The following CASP10 variants were observed in gnomAD, a reference collection of about 807,000 sequenced individuals.
CASP10 encodes caspase-10.
Under a neutral mutation model 48.5 loss-of-function variants are expected in CASP10, and 41 were observed. The observed-to-expected ratio is 0.85, with a 90% CI of 0.66 to 1.10. The LOEUF is 1.10. Among genes scored for constraint, CASP10 ranks in the 50% least tolerant of loss-of-function variants. CASP10 has a pLI of 0.00. For missense variants in CASP10, 614 were observed against 614.5 expected (o/e 1.00, Z 0.01); for synonymous variants, 232 against 238.4 (o/e 0.97, Z 0.25).
intron 4 of CASP10, 57 bp from the exon 5 acceptor site, chr2:201,195,785 C>T: frequency 2.2e-6 from 3 of 1,377,340 alleles, no homozygotes; most frequent in Non-Finnish European, 3.1e-6. Flanking sequence ...TCAAGCAATT[C>T]TCCTGCTGCT....
Position 201,220,077 on chromosome 2 carries a change from G to C in CASP10, c.*2336G>C, listed in dbSNP as rs942625140. ...TTCATGTACAGTAAATTTGTTATAA[G>C]AATATTCACAAGAACACTGTTCTGA... On this transcript the variant is annotated 3_prime_UTR_variant, in exon 10 of 10. Transcript: ENST00000286186. 6.5e-5 allele frequency: 64 copies of C among 985,234 alleles called. No individual in the cohort carries two copies. In the African/African-American group the frequency reaches 1.0e-3, roughly 16 times the overall value. 61.0% of individuals were successfully genotyped at this position (985,234 alleles called of 1,614,324 possible). A position where few individuals can be genotyped will look rare whatever the true frequency, so the allele number is the denominator to read the frequency against.
chr2:201,216,770 A>G (rs1945582984), intron 9 of CASP10, among the ~76,000 whole-genome samples: 1 of 152,206 alleles, frequency 6.6e-6, no homozygotes, highest in Admixed American at 6.5e-5. Context: ...AGCAGTGAGT[A>G]ACCAGCCTAA....
chr2:201,218,603 G>T lies in CASP10; in HGVS notation c.*862G>T, dbSNP rs1945644608. On this transcript the variant is annotated 3_prime_UTR_variant, in exon 10 of 10. Coordinates refer to ENST00000286186, the MANE Select transcript of CASP10 (RefSeq NM_032977.4). ...AGGCATGAAATACTGTGCCTGGCCT[G>T]GGGACCAGGTGCATTTTAAGGTTCC... 1.0e-6 allele frequency: 1 copy of T among 985,146 alleles called. No homozygotes were observed. The highest frequency in any genetic ancestry group is 1.7e-5 in the African/African-American group (1 of 57,216). The allele number at this position is 985,146 out of a possible 1,614,324, so 61.0% of individuals were successfully genotyped here.
intron 1 of CASP10, among the ~76,000 whole-genome samples, chr2:201,184,688 A>C (rs1944351714): frequency 6.6e-6 from 1 of 152,248 alleles, no homozygotes; most frequent in South Asian, 2.1e-4. Flanking sequence ...TATTGACTAC[A>C]TACCTCAAGT....
At chr2:201,228,448 C>A (rs1254773185) in intron 9 of CASP10, among the ~76,000 whole-genome samples, 1 of 152,234 alleles carries the variant, frequency 6.6e-6, no homozygotes, top group Non-Finnish European at 1.5e-5. Context: ...AAGGCTCAGT[C>A]TGGCCACACT....
chr2:201,221,694 G>A (rs1290966720), downstream of CASP10: 1 of 152,210 alleles, frequency 6.6e-6, no homozygotes, highest in African/African-American at 2.4e-5. Flanking sequence ...TCACAAGGAC[G>A]CGAGTGAAAC....
chr2:201,228,890 A>G, intron 9 of CASP10: 1 of 1,599,116 alleles, frequency 6.3e-7, no homozygotes, highest in Non-Finnish European at 8.6e-7. Context: ...GTGAAAAACC[A>G]CTCAGTCAAA....
intron 1 of CASP10, among the ~76,000 whole-genome samples, chr2:201,185,477 C>T (rs1005929002): frequency 1.3e-5 from 2 of 152,130 alleles, no homozygotes; most frequent in African/African-American, 4.8e-5. Flanking sequence ...CTGTGTCCCT[C>T]CATCTTAACT....
intron 8 of CASP10, 141 bp from the exon 9 acceptor site, chr2:201,208,929 C>T (rs912730170): frequency 1.0e-5 from 9 of 861,306 alleles, no homozygotes; most frequent in Admixed American, 8.1e-5. Context: ...CCGCCTGCTT[C>T]GGCCTTCCAA....
At chr2:201,227,786 C>T (rs13028339) in intron 9 of CASP10, among the ~76,000 whole-genome samples, 62,499 of 151,196 alleles carry the variant, frequency 0.41, 13,467 homozygotes, top group Non-Finnish European at 0.49. Flanking sequence ...GTGTTGATCT[C>T]CTGACCTTGT....
chr2:201,187,772 G>C lies in CASP10; in HGVS notation c.414G>C (p.Leu138=). The C allele has an allele frequency of 6.2e-7, 1 of 1,614,076 alleles. No individual in the cohort carries two copies. Among genetic ancestry groups the C allele is most frequent in the Non-Finnish European group, 8.5e-7 (1 of 1,179,940 alleles). ...SENLKDMIFL[L]KDSLPKTEMT... Reference sequence around the variant, plus strand: ...ACTTAAAGGACATGATCTTCCTTCTGAAAGACTCGCTTCCCAAAACTGAAA... The same window carrying C: ...ACTTAAAGGACATGATCTTCCTTCTCAAAGACTCGCTTCCCAAAACTGAAA... The change falls in exon 3 of 10, where the codon CTG becomes CTC. Residue 138 remains leucine, a synonymous_variant. Coordinates refer to ENST00000286186, the MANE Select transcript of CASP10 (RefSeq NM_032977.4).
downstream of CASP10, among the ~76,000 whole-genome samples, chr2:201,223,459 T>C (rs373407384): frequency 1.3e-5 from 2 of 152,330 alleles, no homozygotes; most frequent in East Asian, 3.9e-4. Flanking sequence ...TCTGGAGGAT[T>C]TGCAATTCTT....
intron 6 of CASP10, among the ~76,000 whole-genome samples, chr2:201,205,477 C>T (rs976733605): frequency 3.3e-5 from 5 of 151,910 alleles, no homozygotes; most frequent in African/African-American, 7.3e-5. Flanking sequence ...GCGATCAGCC[C>T]GTCTTGGCCT....
chr2:201,195,691 T>G (rs1055342119), intron 4 of CASP10, 151 bp from the exon 5 acceptor site: 4 of 641,670 alleles, frequency 6.2e-6, no homozygotes, highest in Non-Finnish European at 1.1e-5. Flanking sequence ...TTTTTTTCTT[T>G]TTTTTGAGAC....
intron 1 of CASP10, 75 bp from the exon 2 acceptor site, chr2:201,185,696 G>A: frequency 7.8e-6 from 7 of 900,410 alleles, no homozygotes; most frequent in South Asian, 1.3e-5. Context: ...TTGTGGTGAG[G>A]GGAGGGCCTG....
At chr2:201,211,407 A>G (rs914173580) in intron 9 of CASP10, among the ~76,000 whole-genome samples, 1 of 152,098 alleles carries the variant, frequency 6.6e-6, no homozygotes, top group African/African-American at 2.4e-5. Context: ...TCTCTCTCTC[A>G]TCTTTGTAAT....
At chr2:201,222,069 T>C (rs1249075648), downstream of CASP10, among the ~76,000 whole-genome samples, 1 of 152,184 alleles carries the variant, frequency 6.6e-6, no homozygotes, top group Non-Finnish European at 1.5e-5. Context: ...TCACAGCTAT[T>C]TGACAGTGGT....
At chr2:201,200,765 C>A in intron 5 of CASP10, 2 of 1,191,446 alleles carry the variant, frequency 1.7e-6, no homozygotes, top group East Asian at 3.6e-5. Context: ...TTGAATTCCC[C>A]ATCTCCCCCA....
In CASP10 at chr2:201,210,125, C is replaced by T. The variant is rs556357542; in HGVS notation, c.1415+563C>T. On this transcript the variant is annotated intron_variant, in intron 9 of 9. Coordinates refer to ENST00000286186, the MANE Select transcript of CASP10 (RefSeq NM_032977.4). ...AAAGCATGGGGGCCTTTTATTTGTT[C>T]GTTTATTTATCACTCACTCTTACGT... Among the ~76,000 whole-genome samples the T allele has an allele frequency of 3.7e-4, 56 of 152,312 alleles. 1 individual carries two copies. Among genetic ancestry groups the T allele is most frequent in the African/African-American group, 1.3e-3 (54 of 41,562 alleles).
Sources: allele counts gnomAD v4.1 joint callset (sites outside exome capture counted in the v4.1 genomes callset), GRCh38; gene constraint gnomAD v4.1.1; transcripts MANE v1.5; gene names NCBI Gene and HGNC (gene_info 2026-07-23, HGNC 2026-07-21).